The following XRRA1 variants were observed in gnomAD, a reference collection of about 807,000 sequenced individuals.
XRRA1 encodes the protein X-ray radiation resistance-associated protein 1.
A neutral mutation model predicts 80.2 loss-of-function variants in XRRA1; 69 were observed. The observed-to-expected ratio is 0.86, with a 90% CI of 0.71 to 1.05. XRRA1 has a LOEUF of 1.05. XRRA1 is among the 50% of genes least tolerant of loss of function. The pLI is 0.00. For missense variants in XRRA1, 967 were observed against 976.4 expected, an observed-to-expected ratio of 0.99 and a Z score of 0.13; for synonymous variants, 348 against 389.9, an observed-to-expected ratio of 0.89 and a Z score of 1.27.
At chr11:74,934,125 T>C (rs1278576384) in intron 4 of XRRA1, among the ~76,000 whole-genome samples, 1 of 152,218 alleles carries the variant, frequency 6.6e-6, no homozygotes, top group African/African-American at 2.4e-5. Flanking sequence ...CCTTTGATTA[T>C]AAAGTAAGAT....
chr11:74,928,538 G>C (rs567599525), intron 6 of XRRA1, among the ~76,000 whole-genome samples: 1 of 152,172 alleles, frequency 6.6e-6, no homozygotes, highest in Non-Finnish European at 1.5e-5. Flanking sequence ...TGACACTGGG[G>C]GCCAGATGGA....
chr11:74,939,845 G>A (rs1038597191), intron 3 of XRRA1, among the ~76,000 whole-genome samples: 32 of 46,962 alleles, frequency 6.8e-4, no homozygotes, highest in African/African-American at 2.2e-3. Flanking sequence ...GAGTGACATA[G>A]AGAGAGAGAG....
At chr11:74,943,671 T>G (rs1276316536) in intron 2 of XRRA1, among the ~76,000 whole-genome samples, 1 of 151,994 alleles carries the variant, frequency 6.6e-6, no homozygotes, top group African/African-American at 2.4e-5. Flanking sequence ...TTGCCAGAGC[T>G]TCACTTTTTT....
At position 74,848,590 on chromosome 11, in the gene XRRA1, G is replaced by A. The variant is rs2038937284; in HGVS notation, c.1381-128C>T. On this transcript the variant is annotated intron_variant, in intron 14 of 18. Transcript: ENST00000684022. ...GTACGGACTGAGGCGGGGGTGGAAA[G>A]GGAAATCATACTTGTTGGGCATCTA... 3 of 797,034 alleles carry A rather than the reference G, an allele frequency of 3.8e-6. No homozygotes were observed. In the African/African-American group the frequency reaches 5.2e-5, roughly 14 times the overall value. 49.4% of individuals were successfully genotyped at this position (797,034 alleles called of 1,614,324 possible). A position where few individuals can be genotyped will look rare whatever the true frequency, so the allele number is the denominator to read the frequency against.
intron 5 of XRRA1, among the ~76,000 whole-genome samples, chr11:74,931,326 A>ATTT (rs548989090): frequency 2.8e-5 from 4 of 140,962 alleles, no homozygotes; most frequent in Admixed American, 7.1e-5. Flanking sequence ...TTCTAGTTCA[A>ATTT]TTTTTTTTTT....
At chr11:74,880,697 T>G (rs1390864616) in intron 10 of XRRA1, among the ~76,000 whole-genome samples, 3 of 150,994 alleles carry the variant, frequency 2.0e-5, no homozygotes, top group South Asian at 2.1e-4. Flanking sequence ...ACATCTTTAT[T>G]TCTGCCTTCA....
chr11:74,943,600 C>T (rs1946882840), intron 2 of XRRA1, among the ~76,000 whole-genome samples: 2 of 143,488 alleles, frequency 1.4e-5, no homozygotes, highest in Admixed American at 1.5e-4. Flanking sequence ...TGCACCTGCT[C>T]ATAGAGGCAG....
intron 10 of XRRA1, among the ~76,000 whole-genome samples, chr11:74,871,424 G>C (rs1308345534): frequency 6.6e-6 from 1 of 152,326 alleles, no homozygotes; most frequent in Non-Finnish European, 1.5e-5. Flanking sequence ...CCCCGCTCAA[G>C]TGCATTCTGA....
At chr11:74,853,069 T>C (rs964577885) in intron 12 of XRRA1, among the ~76,000 whole-genome samples, 1 of 152,200 alleles carries the variant, frequency 6.6e-6, no homozygotes, top group African/African-American at 2.4e-5. Context: ...CCAGGCACTT[T>C]GTTAGGAATG....
intron 10 of XRRA1, chr11:74,876,865 C>A (rs919330073): frequency 6.6e-6 from 1 of 152,194 alleles, no homozygotes; most frequent in African/African-American, 2.4e-5. Context: ...CTTTTCCTCT[C>A]GAGATTCGCT....
intron 12 of XRRA1, among the ~76,000 whole-genome samples, chr11:74,855,514 A>G (rs1487447988): frequency 6.6e-6 from 1 of 152,220 alleles, no homozygotes; most frequent in African/African-American, 2.4e-5. Context: ...AAATCTGGCC[A>G]TGGGGCTAGC....
chr11:74,944,442 A>G lies in XRRA1; in HGVS notation c.-5+576T>C, dbSNP rs1234286347. Among the ~76,000 whole-genome samples the G allele has an allele frequency of 2.0e-5, 3 of 152,158 alleles. 1 individual carries two copies. Among genetic ancestry groups the G allele is most frequent in the Admixed American group, 2.0e-4 (3 of 15,270 alleles). On this transcript the variant is annotated intron_variant, in intron 2 of 18. Coordinates refer to ENST00000684022, the MANE Select transcript of XRRA1 (RefSeq NM_001378157.1). ...GTCATCAATTTATTCCTAACAAAGC[A>G]CCTAACATAACAGATGTTATGACAT...
chr11:74,890,214 G>A (rs189120591), intron 10 of XRRA1, among the ~76,000 whole-genome samples: 4 of 152,318 alleles, frequency 2.6e-5, no homozygotes, highest in Admixed American at 6.5e-5. Context: ...TCAGACCACA[G>A]TGCAGTCAAA....
At chr11:74,888,293 C>G (rs1442154639) in intron 10 of XRRA1, among the ~76,000 whole-genome samples, 2 of 152,192 alleles carry the variant, frequency 1.3e-5, no homozygotes, top group African/African-American at 4.8e-5. Context: ...GCCTCCACCG[C>G]TGATACCCAG....
chr11:74,913,068 T>C (rs2056257472), intron 8 of XRRA1, among the ~76,000 whole-genome samples: 1 of 152,192 alleles, frequency 6.6e-6, no homozygotes. Context: ...TGTTTCACAA[T>C]GGACCCAGTG....
chr11:74,907,478 C>T (rs2054885641), intron 8 of XRRA1, among the ~76,000 whole-genome samples: 1 of 152,102 alleles, frequency 6.6e-6, no homozygotes, highest in African/African-American at 2.4e-5. Context: ...TTATACATAC[C>T]ATATTGTCTT....
In XRRA1 at chr11:74,867,664, G is replaced by A. The variant is rs562281381; in HGVS notation, c.1004-4643C>T. On this transcript the variant is annotated intron_variant, in intron 10 of 18. Coordinates refer to ENST00000684022, the MANE Select transcript of XRRA1 (RefSeq NM_001378157.1). ...TGGAAAACACATTTCAGGTTATCAT[G>A]CATGACAATTTCCCCAACTTTGCTA... Among the ~76,000 whole-genome samples, 59 of 152,302 alleles carry A rather than the reference G, an allele frequency of 3.9e-4. 1 individual carries two copies. The South Asian group carries it at 8.7e-3, about 22-fold the overall frequency.
chr11:74,878,580 G>A (rs543270302), intron 10 of XRRA1, among the ~76,000 whole-genome samples: 68 of 151,690 alleles, frequency 4.5e-4, no homozygotes, highest in Middle Eastern at 6.8e-3. Flanking sequence ...TTTCTTCTAG[G>A]GTTTTTATGG....
chr11:74,912,220 G>A (rs1451751907), intron 8 of XRRA1, among the ~76,000 whole-genome samples: 1 of 152,054 alleles, frequency 6.6e-6, no homozygotes, highest in Admixed American at 6.5e-5. Flanking sequence ...AAATAATGTG[G>A]GACCAACTCT....
Sources: allele counts gnomAD v4.1 joint callset (sites outside exome capture counted in the v4.1 genomes callset), GRCh38; gene constraint gnomAD v4.1.1; transcripts MANE v1.5; gene names NCBI Gene and HGNC (gene_info 2026-07-23, HGNC 2026-07-21).